The following HNRNPC variants were observed in gnomAD, a reference collection of about 807,000 sequenced individuals.
HNRNPC encodes heterogeneous nuclear ribonucleoprotein C.
In HNRNPC, 3 loss-of-function variants were observed where a neutral mutation model predicts 33.2. The observed-to-expected ratio is 0.09, with a 90% CI of 0.04 to 0.23. The LOEUF (loss-of-function observed/expected upper bound fraction) is 0.23, where lower values mean the gene tolerates loss of function less well. HNRNPC is among the 10% of genes least tolerant of loss of function. The pLI, the probability that HNRNPC is intolerant of heterozygous loss-of-function variation, is 1.00. For synonymous variants in HNRNPC, 121 were observed against 126.7 expected (o/e 0.96, Z 0.30); for missense variants, 143 against 366.7 (o/e 0.39, Z 4.98).
At chr14:21,259,451 T>C (rs541004772) in intron 2 of HNRNPC, among the ~76,000 whole-genome samples, 12 of 152,340 alleles carry the variant, frequency 7.9e-5, no homozygotes, top group African/African-American at 2.4e-4. Flanking sequence ...GATTTTCAAA[T>C]AGTACTCAGA....
At chr14:21,222,967 G>A (rs1892999693) in intron 5 of HNRNPC, among the ~76,000 whole-genome samples, 1 of 152,074 alleles carries the variant, frequency 6.6e-6, no homozygotes, top group Non-Finnish European at 1.5e-5. Context: ...TTGGGAGGCT[G>A]AGGCGGCCAG....
chr14:21,266,554 TTA>T (rs1303843394), intron 1 of HNRNPC, among the ~76,000 whole-genome samples: 1 of 151,496 alleles, frequency 6.6e-6, no homozygotes, highest in Non-Finnish European at 1.5e-5. Flanking sequence ...TTTTTTCCTT[TTA>T]TGTTAATAAA....
intron 2 of HNRNPC, among the ~76,000 whole-genome samples, chr14:21,259,629 G>A (rs1877827319): frequency 6.6e-6 from 1 of 151,918 alleles, no homozygotes. Context: ...CTGTGTTCTT[G>A]TCCACCTTAT....
At chr14:21,223,693 G>T (rs986835894) in intron 5 of HNRNPC, among the ~76,000 whole-genome samples, 2 of 151,922 alleles carry the variant, frequency 1.3e-5, no homozygotes, top group African/African-American at 4.8e-5. Flanking sequence ...AGGTTGCCGT[G>T]AGCAGTGATG....
intron 3 of HNRNPC, among the ~76,000 whole-genome samples, chr14:21,232,400 CAG>C (rs1384273663): frequency 2.6e-5 from 4 of 152,046 alleles, no homozygotes; most frequent in African/African-American, 7.2e-5. Context: ...TTTTTTTAGA[CAG>C]AGTCTTGCCC....
At chr14:21,227,419 G>A (rs1403463384) in intron 5 of HNRNPC, among the ~76,000 whole-genome samples, 1 of 152,174 alleles carries the variant, frequency 6.6e-6, no homozygotes, top group Non-Finnish European at 1.5e-5. Context: ...ATTATCTACT[G>A]GCTGACGTTA....
At chr14:21,216,108 C>T (rs1293031977) in intron 5 of HNRNPC, among the ~76,000 whole-genome samples, 3 of 133,908 alleles carry the variant, frequency 2.2e-5, no homozygotes, top group African/African-American at 8.6e-5. Context: ...AAACTTTTGT[C>T]TCCTCCACCA....
At chr14:21,239,073 G>A (rs543974120) in intron 2 of HNRNPC, among the ~76,000 whole-genome samples, 63 of 151,966 alleles carry the variant, frequency 4.1e-4, no homozygotes, top group East Asian at 1.4e-3. Flanking sequence ...GCAGTGAGCC[G>A]AGATCGTGCT....
chr14:21,248,094 T>A (rs1393516419), intron 2 of HNRNPC, among the ~76,000 whole-genome samples: 2 of 152,072 alleles, frequency 1.3e-5, no homozygotes, highest in African/African-American at 4.8e-5. Flanking sequence ...AACAAAAAAC[T>A]TTTGGAGGCT....
chr14:21,220,735 A>G (rs1892734739), intron 5 of HNRNPC, among the ~76,000 whole-genome samples: 1 of 152,214 alleles, frequency 6.6e-6, no homozygotes, highest in Non-Finnish European at 1.5e-5. Flanking sequence ...TTCTGGCTTA[A>G]TAAAGATCAA....
At position 21,248,828 on chromosome 14, in the gene HNRNPC, G is replaced by A. The variant is rs556548535; in HGVS notation, c.-37+14483C>T. On this transcript the variant is annotated intron_variant, in intron 2 of 8. Coordinates refer to ENST00000553300, the MANE Select transcript of HNRNPC (RefSeq NM_004500.4). ...ATTACATCAAAAGTTTTAAAACTGC[G>A]TGTTTTTTGACTCAGTAATTTTAAC... Among the ~76,000 whole-genome samples, 12 of 152,292 alleles carry A rather than the reference G, an allele frequency of 7.9e-5. No individual in the cohort carries two copies. In the East Asian group the frequency reaches 9.6e-4, roughly 12 times the overall value.
intron 5 of HNRNPC, among the ~76,000 whole-genome samples, chr14:21,217,609 A>G (rs1202709626): frequency 6.6e-6 from 1 of 152,188 alleles, no homozygotes; most frequent in East Asian, 1.9e-4. Flanking sequence ...CATACCTACT[A>G]CCAAAGAATA....
chr14:21,244,033 T>A (rs1223837641), intron 2 of HNRNPC, among the ~76,000 whole-genome samples: 1 of 141,270 alleles, frequency 7.1e-6, no homozygotes, highest in Non-Finnish European at 1.5e-5. Context: ...TCCTCCAAGT[T>A]TTTTTTTTTT....
intron 2 of HNRNPC, among the ~76,000 whole-genome samples, chr14:21,254,805 C>T (rs1328900193): frequency 6.6e-6 from 1 of 152,020 alleles, no homozygotes; most frequent in Non-Finnish European, 1.5e-5. Flanking sequence ...ACTCGGGAAG[C>T]TGAGGCAGGA....
intron 1 of HNRNPC, chr14:21,265,548 C>T (rs934728856): frequency 1.3e-5 from 2 of 152,222 alleles, no homozygotes; most frequent in Non-Finnish European, 2.9e-5. Context: ...GTGGCTCACA[C>T]CTGTAATCCC....
At chr14:21,267,134 T>TC in intron 1 of HNRNPC, among the ~76,000 whole-genome samples, 1 of 129,776 alleles carries the variant, frequency 7.7e-6, no homozygotes, top group African/African-American at 2.8e-5. Flanking sequence ...AAAACAAAAC[T>TC]GCTTTTAATA....
chr14:21,253,875 C>T (rs1014771257), intron 2 of HNRNPC, among the ~76,000 whole-genome samples: 5 of 151,834 alleles, frequency 3.3e-5, no homozygotes, highest in Admixed American at 2.6e-4. Flanking sequence ...ACCATCCTGG[C>T]TAACACGGTG....
At chr14:21,268,845 G>A (rs1879457194) in intron 1 of HNRNPC, among the ~76,000 whole-genome samples, 1 of 152,034 alleles carries the variant, frequency 6.6e-6, no homozygotes, top group South Asian at 2.1e-4. Flanking sequence ...TAGGCCACGC[G>A]GCACGATCCA....
chr14:21,214,237 A>T (rs1289810967), intron 5 of HNRNPC, among the ~76,000 whole-genome samples: 1 of 152,228 alleles, frequency 6.6e-6, no homozygotes, highest in Non-Finnish European at 1.5e-5. Context: ...TGTGATAGTC[A>T]AGAACTTTAA....
Sources: allele counts gnomAD v4.1 joint callset (sites outside exome capture counted in the v4.1 genomes callset), GRCh38; gene constraint gnomAD v4.1.1; transcripts MANE v1.5; gene names NCBI Gene and HGNC (gene_info 2026-07-23, HGNC 2026-07-21).